ARSG: variants seen among roughly 807,000 people sequenced by gnomAD.
ARSG encodes arylsulfatase G.
In ARSG, 37 loss-of-function variants were observed where a neutral mutation model predicts 50.5. The ratio of observed to expected loss-of-function variants is 0.73; its 90% CI spans 0.56 to 0.96. ARSG has a LOEUF of 0.96. Among genes scored for constraint, ARSG ranks in the 50% least tolerant of loss-of-function variants. The pLI is 0.00. For synonymous variants in ARSG, 225 were observed against 254.6 expected, an observed-to-expected ratio of 0.88 and a Z score of 1.11; for missense variants, 629 against 675.3, an observed-to-expected ratio of 0.93 and a Z score of 0.76.
At chr17:68,444,397 C>T in the ARSG span, 3 of 1,121,838 alleles carry the variant, frequency 2.7e-6, no homozygotes, top group Non-Finnish European at 4.0e-6. Flanking sequence ...AAAGCAAACA[C>T]TGCTTCACGT....
In ARSG at chr17:68,356,814, C is replaced by T. The variant is rs776723724; in HGVS notation, c.704+10C>T. The T allele has an allele frequency of 6.2e-7, 1 of 1,614,120 alleles. No individual in the cohort carries two copies. The highest frequency in any genetic ancestry group is 1.1e-5 in the South Asian group (1 of 91,078). ...TCATCCAGCGTGCAAGGTGAGGAGTCTCCCTCCCTCCGCAGGGCCTCCCCC... is the reference window on the plus strand; with the variant it reads ...TCATCCAGCGTGCAAGGTGAGGAGTTTCCCTCCCTCCGCAGGGCCTCCCCC... On this transcript the variant is annotated intron_variant, in intron 6 of 11. Transcript: ENST00000621439.
At chr17:68,360,199 G>A (rs565792280) in intron 6 of ARSG, among the ~76,000 whole-genome samples, 9 of 152,282 alleles carry the variant, frequency 5.9e-5, no homozygotes, top group Admixed American at 2.0e-4. Flanking sequence ...TTCATTAGCT[G>A]GTTATTAAGT....
intron 2 of ARSG, among the ~76,000 whole-genome samples, chr17:68,323,793 C>T (rs969517548): frequency 2.0e-5 from 3 of 152,178 alleles, no homozygotes; most frequent in African/African-American, 7.2e-5. Flanking sequence ...AATCCACAGG[C>T]TGGGTGCTGT....
downstream of ARSG, chr17:68,427,329 C>T (rs1350690354): frequency 9.0e-7 from 1 of 1,109,862 alleles, no homozygotes; most frequent in Non-Finnish European, 1.4e-6. Context: ...AAAGGAAAAG[C>T]ATGAAGAAGC....
chr17:68,385,329 C>G (rs546155197), intron 9 of ARSG, among the ~76,000 whole-genome samples, 157 bp downstream of exon 9: 1 of 151,768 alleles, frequency 6.6e-6, no homozygotes, highest in Non-Finnish European at 1.5e-5. Flanking sequence ...CGGGTGTTCC[C>G]AGACACTTCC....
At chr17:68,451,857 G>A in the ARSG span, among the ~76,000 whole-genome samples, 8 of 152,152 alleles carry the variant, frequency 5.3e-5, no homozygotes, top group African/African-American at 1.9e-4. Flanking sequence ...CAAAGGTTAC[G>A]GCTTTGGTAT....
chr17:68,303,981 G>GA (rs2076515771), intron 1 of ARSG, among the ~76,000 whole-genome samples: 1 of 152,180 alleles, frequency 6.6e-6, no homozygotes, highest in African/African-American at 2.4e-5. Flanking sequence ...GATTCTCTTT[G>GA]AAAATCCTCA....
chr17:68,312,023 C>A (rs1462416450), intron 2 of ARSG, among the ~76,000 whole-genome samples: 1 of 152,066 alleles, frequency 6.6e-6, no homozygotes, highest in Non-Finnish European at 1.5e-5. Context: ...TACTCTCGAA[C>A]CCCTGACCTC....
intron 1 of ARSG, among the ~76,000 whole-genome samples, chr17:68,299,053 A>G (rs1292715625): frequency 6.6e-6 from 1 of 152,010 alleles, no homozygotes; most frequent in Admixed American, 6.6e-5. Context: ...TTCTTAAGAG[A>G]AAGTTTCCTA....
At chr17:68,426,242 T>TGGGTGG, downstream of ARSG, 1 of 669,004 alleles carries the variant, frequency 1.5e-6, no homozygotes, top group Non-Finnish European at 2.2e-6. Context: ...ACCTGGCGGG[T>TGGGTGG]GGGGAGCGGG....
intron 2 of ARSG, among the ~76,000 whole-genome samples, chr17:68,331,237 C>CTTTCTTTCTTTCTTTCTTTCTTTG (rs2077748582): frequency 7.0e-4 from 51 of 72,846 alleles, no homozygotes; most frequent in Non-Finnish European, 1.1e-3. Flanking sequence ...TTCTTTGTTT[C>CTTTCTTTCTTTCTTTCTTTCTTTG]TTTCTTTCTT....
chr17:68,352,135 A>AC (rs1385544708), intron 5 of ARSG, among the ~76,000 whole-genome samples: 3 of 115,578 alleles, frequency 2.6e-5, no homozygotes, highest in African/African-American at 1.0e-4. Flanking sequence ...AGAGAGAGAG[A>AC]GACAGAGGAG....
the ARSG span, among the ~76,000 whole-genome samples, chr17:68,437,055 A>G: frequency 9.7e-6 from 1 of 102,764 alleles, no homozygotes; most frequent in Non-Finnish European, 2.0e-5. Context: ...GCTCATTTTT[A>G]CATTTTACCC....
intron 1 of ARSG, among the ~76,000 whole-genome samples, chr17:68,301,081 G>T (rs2145460883): frequency 6.6e-6 from 1 of 150,516 alleles, no homozygotes; most frequent in East Asian, 2.0e-4. Context: ...TCGCACCACT[G>T]CACTCCAGCC....
At chr17:68,390,851 T>C (rs1275618522) in intron 9 of ARSG, among the ~76,000 whole-genome samples, 1 of 151,658 alleles carries the variant, frequency 6.6e-6, no homozygotes, top group Non-Finnish European at 1.5e-5. Flanking sequence ...GGTCTGGAAC[T>C]CCTGACCTCA....
chr17:68,368,330 G>A (rs192539292), intron 6 of ARSG, among the ~76,000 whole-genome samples: 4 of 152,370 alleles, frequency 2.6e-5, no homozygotes, highest in Admixed American at 2.0e-4. Flanking sequence ...CTCAGTAAAT[G>A]ATAAGGGATA....
rs1396329009 is a variant in ARSG, at chr17:68,261,068, A to G, written c.-552+1642A>G. On this transcript the variant is annotated intron_variant, in intron 1 of 11. Coordinates refer to the ARSG transcript ENST00000448504. ...GAGACCCATCCATCCTCAGATGCTG[A>G]GCCGGTGGGTTCTCAGCACAGTGCT... Among the ~76,000 whole-genome samples the G allele has an allele frequency of 6.6e-5, 10 of 152,160 alleles. No individual in the cohort carries two copies. In the East Asian group the frequency reaches 1.9e-3, roughly 29 times the overall value.
At chr17:68,383,661 T>C (rs541484685) in intron 8 of ARSG, among the ~76,000 whole-genome samples, 1 of 152,178 alleles carries the variant, frequency 6.6e-6, no homozygotes, top group African/African-American at 2.4e-5. Context: ...AGTCATACAT[T>C]CCAAAGCCAC....
At chr17:68,433,760 GT>G in the ARSG span, among the ~76,000 whole-genome samples, 470 of 72,824 alleles carry the variant, frequency 6.5e-3, 19 homozygotes, top group East Asian at 0.013. Context: ...AAGGGTCATA[GT>G]TTTTTTTTTT....
Sources: allele counts gnomAD v4.1 joint callset (sites outside exome capture counted in the v4.1 genomes callset), GRCh38; gene constraint gnomAD v4.1.1; transcripts MANE v1.5; gene names NCBI Gene and HGNC (gene_info 2026-07-23, HGNC 2026-07-21).